RANBP2: variants seen among roughly 807,000 people sequenced by gnomAD.
The protein encoded by RANBP2 is E3 SUMO-protein ligase RanBP2.
Under a neutral mutation model 303.6 loss-of-function variants are expected in RANBP2, and 57 were observed. That is an observed-to-expected ratio of 0.19 (90% confidence interval 0.15 to 0.23). RANBP2 has a LOEUF of 0.23. Ranked by LOEUF, RANBP2 falls within the 10% of genes least tolerant of loss-of-function variation. RANBP2 has a pLI of 1.00. For missense variants in RANBP2, 3,138 were observed against 3,780.8 expected, an observed-to-expected ratio of 0.83 and a Z score of 4.46; for synonymous variants, 1,167 against 1,301.5, an observed-to-expected ratio of 0.90 and a Z score of 2.23.
the RANBP2 span, among the ~76,000 whole-genome samples, chr2:109,631,286 C>T: frequency 7.9e-5 from 12 of 151,940 alleles, no homozygotes; most frequent in African/African-American, 2.9e-4. Flanking sequence ...TGCGGATGCT[C>T]AGCCCTACAC....
the RANBP2 span, among the ~76,000 whole-genome samples, chr2:109,251,838 A>G: frequency 1.5e-4 from 23 of 152,336 alleles, no homozygotes; most frequent in East Asian, 4.0e-3. Flanking sequence ...CCAATTTTCT[A>G]ATCCCTTTAA....
At chr2:108,864,107 A>G in the RANBP2 span, among the ~76,000 whole-genome samples, 1 of 152,252 alleles carries the variant, frequency 6.6e-6, no homozygotes, top group South Asian at 2.1e-4. Context: ...CTTCTTGGTC[A>G]ACTTTTAAGT....
chr2:109,276,662 C>G, the RANBP2 span, among the ~76,000 whole-genome samples: 1 of 152,126 alleles, frequency 6.6e-6, no homozygotes, highest in Non-Finnish European at 1.5e-5. Context: ...TGAACTGTTA[C>G]CAGACAAATA....
chr2:109,607,329 T>G, the RANBP2 span, among the ~76,000 whole-genome samples: 2 of 152,180 alleles, frequency 1.3e-5, no homozygotes, highest in Admixed American at 1.3e-4. Flanking sequence ...GTATTTAGTC[T>G]TAGACTGTTT....
At chr2:109,432,440 C>T in the RANBP2 span, 45 of 1,588,608 alleles carry the variant, frequency 2.8e-5, no homozygotes, top group East Asian at 1.2e-4. Context: ...CCAGGAATGC[C>T]GGCCGGTCCC....
chr2:109,288,645 G>A, the RANBP2 span, among the ~76,000 whole-genome samples: 1 of 152,222 alleles, frequency 6.6e-6, no homozygotes, highest in African/African-American at 2.4e-5. Flanking sequence ...CACCCAAGGA[G>A]ACTGACTTCT....
the RANBP2 span, among the ~76,000 whole-genome samples, chr2:109,274,618 A>G: frequency 3.3e-5 from 5 of 152,212 alleles, no homozygotes; most frequent in African/African-American, 1.2e-4. Context: ...GGTGGTTGCC[A>G]TGGGCTGAGA....
the RANBP2 span, chr2:108,910,792 C>T: frequency 6.2e-7 from 1 of 1,613,526 alleles, no homozygotes; most frequent in Non-Finnish European, 8.5e-7. Flanking sequence ...CCTCTTTCTT[C>T]TCCTCGTCCT....
the RANBP2 span, among the ~76,000 whole-genome samples, chr2:109,446,736 G>A: frequency 6.7e-6 from 1 of 150,322 alleles, no homozygotes; most frequent in South Asian, 2.1e-4. Flanking sequence ...AGTATTAGGA[G>A]GTGAGGTTGG....
At chr2:108,820,720 C>CAAAAA in the RANBP2 span, among the ~76,000 whole-genome samples, 1 of 142,714 alleles carries the variant, frequency 7.0e-6, no homozygotes, top group African/African-American at 2.6e-5. Context: ...AAAAAACAAA[C>CAAAAA]AACAAAACTG....
At chr2:109,485,417 A>G in the RANBP2 span, among the ~76,000 whole-genome samples, 3 of 152,272 alleles carry the variant, frequency 2.0e-5, no homozygotes, top group African/African-American at 4.8e-5. Flanking sequence ...TTCAGAGACA[A>G]TTTTCCATAA....
chr2:109,517,505 G>T, the RANBP2 span, among the ~76,000 whole-genome samples: 1 of 151,552 alleles, frequency 6.6e-6, no homozygotes. Context: ...AACCCCGCCT[G>T]GCTGCTGCTT....
the RANBP2 span, among the ~76,000 whole-genome samples, chr2:109,106,078 G>A: frequency 1.9e-4 from 29 of 151,440 alleles, no homozygotes; most frequent in African/African-American, 2.7e-4. Context: ...AGCTAAGATG[G>A]TCTAGATCTC....
chr2:109,158,008 G>A, the RANBP2 span, among the ~76,000 whole-genome samples: 1 of 152,304 alleles, frequency 6.6e-6, no homozygotes, highest in East Asian at 1.9e-4. Flanking sequence ...CCCGTGGTAT[G>A]TTCTAGTTCT....
the RANBP2 span, among the ~76,000 whole-genome samples, chr2:109,092,037 G>A: frequency 6.6e-6 from 1 of 152,068 alleles, no homozygotes; most frequent in African/African-American, 2.4e-5. Flanking sequence ...ATGGAATATA[G>A]GAGGATAGTT....
At chr2:109,684,259 T>TTTTTTTTTTTGG in the RANBP2 span, among the ~76,000 whole-genome samples, 1 of 147,342 alleles carries the variant, frequency 6.8e-6, no homozygotes, top group African/African-American at 2.5e-5. Flanking sequence ...TTTTTTTTTT[T>TTTTTTTTTTTGG]GAGGCAGCGT....
the RANBP2 span, chr2:108,923,326 G>T: frequency 6.3e-7 from 1 of 1,585,920 alleles, no homozygotes; most frequent in Non-Finnish European, 8.7e-7. Flanking sequence ...AGGGATCCGT[G>T]CTGAACAAAT....
At chr2:108,943,030 G>T in the RANBP2 span, among the ~76,000 whole-genome samples, 1 of 152,194 alleles carries the variant, frequency 6.6e-6, no homozygotes, top group African/African-American at 2.4e-5. Context: ...ATGGTGCAGG[G>T]CTATAAATAA....
chr2:109,414,242 C>T, the RANBP2 span, among the ~76,000 whole-genome samples: 2 of 152,186 alleles, frequency 1.3e-5, no homozygotes, highest in Non-Finnish European at 2.9e-5. Context: ...TGTTGAGGGC[C>T]TATTCTGTGT....
Sources: allele counts gnomAD v4.1 joint callset (sites outside exome capture counted in the v4.1 genomes callset), GRCh38; gene constraint gnomAD v4.1.1; transcripts MANE v1.5; gene names NCBI Gene and HGNC (gene_info 2026-07-23, HGNC 2026-07-21).